Variants in TNS3 observed in about 807,000 individuals in gnomAD.
TNS3 encodes tensin-3.
In TNS3, 45 loss-of-function variants were observed where a neutral mutation model predicts 140.9. That is an observed-to-expected ratio of 0.32 (90% CI 0.25 to 0.41). The LOEUF is 0.41. TNS3 is among the 10% of genes least tolerant of loss of function. TNS3 has a pLI of 1.00. For missense variants in TNS3, 1,716 were observed against 1,906.7 expected (o/e 0.90, Z 1.86); for synonymous variants, 815 against 788.4 (o/e 1.03, Z -0.56).
intron 9 of TNS3, among the ~76,000 whole-genome samples, chr7:47,426,291 C>T (rs778605703): frequency 2.0e-5 from 3 of 151,988 alleles, no homozygotes; most frequent in African/African-American, 7.2e-5. Context: ...TAAACACACA[C>T]GTACACAAAA....
At chr7:47,297,239 G>C (rs1326766939) in intron 23 of TNS3, 26 bp from the exon 24 acceptor site, 5 of 1,598,242 alleles carry the variant, frequency 3.1e-6, no homozygotes, top group East Asian at 4.5e-5. Flanking sequence ...AGAAAGACAA[G>C]AAGGTCTGCC....
intron 24 of TNS3, among the ~76,000 whole-genome samples, chr7:47,294,580 T>C (rs79742290): frequency 3.8e-3 from 577 of 152,306 alleles, no homozygotes; most frequent in Non-Finnish European, 6.9e-3. Context: ...TCACCCTCCA[T>C]TGGGGCATGT....
At chr7:47,406,248 G>C (rs556911254) in intron 13 of TNS3, among the ~76,000 whole-genome samples, 70 of 152,322 alleles carry the variant, frequency 4.6e-4, no homozygotes, top group African/African-American at 1.7e-3. Context: ...GGGCCAAGCA[G>C]GGATGGGCTG....
intron 16 of TNS3, among the ~76,000 whole-genome samples, chr7:47,389,104 G>GGAAGAAGAA (rs1792327151): frequency 2.0e-4 from 6 of 29,978 alleles, no homozygotes; most frequent in African/African-American, 1.2e-3. Flanking sequence ...AAGAGGAAGC[G>GGAAGAAGAA]GAAGCAGAAG....
intron 3 of TNS3, among the ~76,000 whole-genome samples, chr7:47,488,615 A>G (rs986964896): frequency 1.5e-4 from 23 of 152,232 alleles, no homozygotes; most frequent in Admixed American, 1.4e-3. Flanking sequence ...ACCTCTTTAA[A>G]GACCTTATCT....
At chr7:47,305,057 C>A in intron 20 of TNS3, 54 bp from the exon 21 acceptor site, 2 of 1,285,280 alleles carry the variant, frequency 1.6e-6, no homozygotes, top group South Asian at 6.0e-5. Flanking sequence ...CTGGAGAAGT[C>A]ATAATCTCTG....
chr7:47,569,470 G>A (rs1800503362), intron 1 of TNS3, among the ~76,000 whole-genome samples: 1 of 152,076 alleles, frequency 6.6e-6, no homozygotes, highest in African/African-American at 2.4e-5. Flanking sequence ...CTCGAACCAG[G>A]GAGGTGGAGG....
intron 22 of TNS3, 33 bp from the exon 23 acceptor site, chr7:47,302,305 A>G (rs751219861): frequency 6.4e-7 from 1 of 1,563,682 alleles, no homozygotes; most frequent in Admixed American, 1.7e-5. Flanking sequence ...AGTGACCATG[A>G]TGGGCACTTT....
chr7:47,537,677 A>G (rs913620220), intron 1 of TNS3, among the ~76,000 whole-genome samples: 2 of 152,150 alleles, frequency 1.3e-5, no homozygotes, highest in Admixed American at 1.3e-4. Flanking sequence ...CTTGAATATT[A>G]TCCAGTCAAC....
intron 20 of TNS3, among the ~76,000 whole-genome samples, chr7:47,309,756 T>C (rs1786975631): frequency 6.6e-6 from 1 of 152,236 alleles, no homozygotes; most frequent in South Asian, 2.1e-4. Flanking sequence ...TTACAATCTG[T>C]AAACCCTTAT....
intron 1 of TNS3, among the ~76,000 whole-genome samples, chr7:47,533,429 CTT>C (rs1554350879): frequency 6.9e-6 from 1 of 144,062 alleles, no homozygotes; most frequent in Non-Finnish European, 1.5e-5. Context: ...CGCACCTGGC[CTT>C]TTTTTTTTTT....
At chr7:47,367,519 G>A (rs1023214683) in intron 17 of TNS3, among the ~76,000 whole-genome samples, 2 of 152,164 alleles carry the variant, frequency 1.3e-5, no homozygotes, top group African/African-American at 4.8e-5. Context: ...AGGCCTCAAG[G>A]CTGCACAGAA....
intron 1 of TNS3, among the ~76,000 whole-genome samples, chr7:47,560,252 G>A (rs992987088): frequency 6.6e-6 from 1 of 151,928 alleles, no homozygotes; most frequent in Non-Finnish European, 1.5e-5. Context: ...ATGACCCCAG[G>A]GAGCTCCCTC....
At chr7:47,310,567 C>A (rs2150763443) in intron 20 of TNS3, among the ~76,000 whole-genome samples, 1 of 152,128 alleles carries the variant, frequency 6.6e-6, no homozygotes, top group South Asian at 2.1e-4. Flanking sequence ...ATCATCAATG[C>A]CAGGAAACAT....
intron 20 of TNS3, among the ~76,000 whole-genome samples, chr7:47,340,895 G>A (rs966386259): frequency 6.6e-6 from 1 of 152,142 alleles, no homozygotes; most frequent in Non-Finnish European, 1.5e-5. Flanking sequence ...GATGCTTTTT[G>A]TAAGGTTGAA....
intron 17 of TNS3, among the ~76,000 whole-genome samples, chr7:47,353,477 T>C (rs1264616136): frequency 6.6e-6 from 1 of 152,254 alleles, no homozygotes; most frequent in Non-Finnish European, 1.5e-5. Flanking sequence ...TGTTCTATCA[T>C]TGCAGAAGAT....
At chr7:47,423,188 T>C (rs144200087) in intron 10 of TNS3, among the ~76,000 whole-genome samples, 1 of 152,334 alleles carries the variant, frequency 6.6e-6, no homozygotes, top group Non-Finnish European at 1.5e-5. Context: ...ATACACAAGG[T>C]CGGGTGTGCA....
At chr7:47,340,208 C>T (rs751478369) in intron 20 of TNS3, among the ~76,000 whole-genome samples, 1 of 142,796 alleles carries the variant, frequency 7.0e-6, no homozygotes, top group Non-Finnish European at 1.5e-5. Flanking sequence ...CTGTAACCTC[C>T]ACCTCCTGGG....
In TNS3 at chr7:47,277,853, A is replaced by G; in HGVS notation, c.*223T>C. On this transcript the variant is annotated 3_prime_UTR_variant, in exon 31 of 31. Transcript: ENST00000311160. The stretch of plus-strand genomic sequence containing the variant: ...GCCCAGCTTCTTCTACCCAAAAAGC[A>G]TGTGGCTACAGAGATGTGTCAGATA... The G allele has an allele frequency of 1.6e-6, 1 of 639,518 alleles. No individual in the cohort carries two copies. Among genetic ancestry groups the G allele is most frequent in the Non-Finnish European group, 2.8e-6 (1 of 355,338 alleles). 39.6% of individuals were successfully genotyped at this position (639,518 alleles called of 1,614,324 possible).
Sources: gnomAD v4.1 joint callset for allele counts (sites outside exome capture counted in the v4.1 genomes callset) on GRCh38, gnomAD v4.1.1 for gene constraint, MANE v1.5 for transcripts, NCBI Gene and HGNC (gene_info 2026-07-23, HGNC 2026-07-21) for gene names.